The following GAS7 variants were observed in gnomAD, a reference collection of about 807,000 sequenced individuals.
GAS7 encodes the protein growth arrest-specific protein 7.
A neutral mutation model predicts 71.1 loss-of-function variants in GAS7; 28 were observed. The observed-to-expected ratio is 0.39, with a 90% CI of 0.29 to 0.54. GAS7 has a LOEUF of 0.54. Among genes scored for constraint, GAS7 ranks in the 20% least tolerant of loss-of-function variants. The pLI, the probability that GAS7 is intolerant of heterozygous loss-of-function variation, is 0.62. For missense variants in GAS7, 436 were observed against 627.8 expected, an observed-to-expected ratio of 0.69 and a Z score of 3.27; for synonymous variants, 258 against 245.8, an observed-to-expected ratio of 1.05 and a Z score of -0.46.
intron 4 of GAS7, among the ~76,000 whole-genome samples, chr17:9,962,554 C>T (rs1207720029): frequency 6.6e-6 from 1 of 152,226 alleles, no homozygotes; most frequent in African/African-American, 2.4e-5. Context: ...CTGCAACTAA[C>T]TAACTAACTC....
At chr17:9,958,831 G>C in intron 5 of GAS7, 1 of 279,428 alleles carries the variant, frequency 3.6e-6, no homozygotes, top group Non-Finnish European at 6.1e-6. Flanking sequence ...AAGTTACCCC[G>C]CACAAAAGCA....
intron 1 of GAS7, among the ~76,000 whole-genome samples, chr17:10,185,725 A>G (rs1273802403): frequency 1.3e-5 from 2 of 152,126 alleles, no homozygotes; most frequent in Non-Finnish European, 2.9e-5. Flanking sequence ...ATCTGACTCC[A>G]ACACCAGGTA....
chr17:10,056,315 T>G (rs1301323978), intron 1 of GAS7, among the ~76,000 whole-genome samples: 1 of 151,592 alleles, frequency 6.6e-6, no homozygotes, highest in African/African-American at 2.4e-5. Context: ...GGCAACAAAG[T>G]GACAGCCTGT....
intron 1 of GAS7, among the ~76,000 whole-genome samples, chr17:10,158,348 A>ACCAAAAAAC (rs373784257): frequency 1.4e-5 from 2 of 146,178 alleles, no homozygotes; most frequent in African/African-American, 5.1e-5. Flanking sequence ...AAAAAAAAAA[A>ACCAAAAAAC]AAAAAAAAAA....
intron 2 of GAS7, among the ~76,000 whole-genome samples, chr17:10,006,313 A>ATTTT (rs2071526190): frequency 2.1e-5 from 2 of 94,334 alleles, no homozygotes; most frequent in Admixed American, 1.2e-4. Context: ...CAAGCCCCAG[A>ATTTT]TTCTTTTTTT....
At chr17:10,177,073 C>A (rs1369913784) in intron 1 of GAS7, among the ~76,000 whole-genome samples, 1 of 152,120 alleles carries the variant, frequency 6.6e-6, no homozygotes, top group Non-Finnish European at 1.5e-5. Context: ...ATGGAGGAAA[C>A]AGTCAAATAA....
rs202070958 is a variant in GAS7, at chr17:9,947,015, C to T, written c.526-32G>A. The T allele has an allele frequency of 1.4e-5, 20 of 1,457,004 alleles. No homozygotes were observed. The African/African-American group carries it at 1.5e-4, about 11-fold the overall frequency. 90.3% of individuals were successfully genotyped at this position (1,457,004 alleles called of 1,614,324 possible). On this transcript the variant is annotated intron_variant, in intron 5 of 13. Coordinates refer to ENST00000432992, the MANE Select transcript of GAS7 (RefSeq NM_201433.2). Reference sequence around the variant, plus strand: ...GGCACAGAACAAGAAAGAATGACCCCGCTGGAGACTGGAATAGCGAGGAAG... The same window carrying T: ...GGCACAGAACAAGAAAGAATGACCCTGCTGGAGACTGGAATAGCGAGGAAG...
In GAS7 at chr17:10,135,152, T is replaced by C. The variant is rs531415451; in HGVS notation, c.183+63056A>G. ...CGGCCTACATCCTCTTTTAATTACA[T>C]GTAGATTAAAGGGCAGTTTACACAG... is the stretch of plus-strand genomic sequence containing the variant. On this transcript the variant is annotated intron_variant, in intron 1 of 13. Coordinates refer to ENST00000432992, the MANE Select transcript of GAS7 (RefSeq NM_201433.2). Among the ~76,000 whole-genome samples, 7 of 152,162 alleles carry C rather than the reference T, an allele frequency of 4.6e-5. No individual in the cohort carries two copies. The South Asian group carries it at 1.5e-3, about 32-fold the overall frequency.
chr17:10,036,470 C>T, intron 1 of GAS7: 1 of 1,613,858 alleles, frequency 6.2e-7, no homozygotes, highest in Non-Finnish European at 8.5e-7. Flanking sequence ...GGGGCTGCTA[C>T]CTCAGAGGAG....
intron 1 of GAS7, among the ~76,000 whole-genome samples, chr17:10,169,620 G>A (rs1056304792): frequency 3.3e-5 from 5 of 151,988 alleles, no homozygotes; most frequent in East Asian, 1.9e-4. Context: ...CTGGTTTTCC[G>A]CCCACTCTTT....
At chr17:10,140,712 G>C (rs1168511893) in intron 1 of GAS7, among the ~76,000 whole-genome samples, 2 of 152,150 alleles carry the variant, frequency 1.3e-5, no homozygotes, top group African/African-American at 4.8e-5. Flanking sequence ...GCTCCTCACT[G>C]TAAGTCCACA....
At chr17:10,044,858 T>A (rs11870874) in intron 1 of GAS7, among the ~76,000 whole-genome samples, 3,049 of 151,754 alleles carry the variant, frequency 0.02, 100 homozygotes, top group African/African-American at 0.068. Flanking sequence ...ATGGAGACCA[T>A]CCTGGCTAAC....
intron 1 of GAS7, among the ~76,000 whole-genome samples, chr17:10,105,961 C>A (rs2073752542): frequency 6.6e-6 from 1 of 152,160 alleles, no homozygotes; most frequent in Non-Finnish European, 1.5e-5. Flanking sequence ...GAGTCTCTCA[C>A]AACCATCACC....
chr17:10,080,143 G>A (rs892533197), intron 1 of GAS7, among the ~76,000 whole-genome samples: 3 of 152,130 alleles, frequency 2.0e-5, no homozygotes, highest in Non-Finnish European at 2.9e-5. Flanking sequence ...CAAAGAAGCC[G>A]GCCAAAACCC....
intron 5 of GAS7, among the ~76,000 whole-genome samples, chr17:9,947,747 C>T (rs957950486): frequency 4.0e-4 from 54 of 133,570 alleles, no homozygotes; most frequent in African/African-American, 1.5e-3. Context: ...TGCCATTGTA[C>T]GAACGAAACT....
At chr17:9,984,765 A>C (rs941385531) in intron 2 of GAS7, among the ~76,000 whole-genome samples, 3 of 152,354 alleles carry the variant, frequency 2.0e-5, no homozygotes, top group African/African-American at 4.8e-5. Context: ...AGCACTTAGG[A>C]TAACATCGGG....
intron 1 of GAS7, among the ~76,000 whole-genome samples, chr17:10,160,308 A>G (rs1005672967): frequency 2.0e-5 from 3 of 152,192 alleles, no homozygotes; most frequent in Non-Finnish European, 2.9e-5. Flanking sequence ...ATTCGTAGAG[A>G]TCTAGGGGGT....
In GAS7 at chr17:9,981,255, C is replaced by A. The variant is rs62065761; in HGVS notation, c.385+549G>T. Among the ~76,000 whole-genome samples, 2 of 151,950 alleles carry A rather than the reference C, an allele frequency of 1.3e-5. No homozygotes were observed. The highest frequency in any genetic ancestry group is 4.8e-5 in the African/African-American group (2 of 41,330). On this transcript the variant is annotated intron_variant, in intron 3 of 13. Coordinates refer to ENST00000432992, the MANE Select transcript of GAS7 (RefSeq NM_201433.2). The surrounding 1 kb of genome is among the most constrained non-coding windows in gnomAD (Gnocchi z 4.4). ...GCAGTGAGCCGAGACTGCACCACTG[C>A]ACTCCAGCCTGGGTGACAGAATGAG... is the stretch of plus-strand genomic sequence containing the variant.
At chr17:10,002,946 A>C (rs2071329252) in intron 2 of GAS7, among the ~76,000 whole-genome samples, 1 of 152,240 alleles carries the variant, frequency 6.6e-6, no homozygotes, top group Admixed American at 6.5e-5. Flanking sequence ...TGGCTGGGTC[A>C]AATGGTATTT....
Sources: allele counts gnomAD v4.1 joint callset (sites outside exome capture counted in the v4.1 genomes callset), GRCh38; gene constraint gnomAD v4.1.1; non-coding constraint Gnocchi (gnomAD v3.1); transcripts MANE v1.5; gene names NCBI Gene and HGNC (gene_info 2026-07-23, HGNC 2026-07-21).